Variants in SV2C observed in about 807,000 individuals in gnomAD.
SV2C encodes the protein solute carrier family 22 member B3.
In SV2C, 49 loss-of-function variants were observed where a neutral mutation model predicts 79.7. The observed-to-expected ratio is 0.61, with a 90% CI of 0.49 to 0.78. The LOEUF is 0.78. Among genes scored for constraint, SV2C ranks in the 30% least tolerant of loss-of-function variants. SV2C has a pLI of 0.00. For missense variants in SV2C, 833 were observed against 912.9 expected (o/e 0.91, Z 1.13); for synonymous variants, 334 against 333.2 (o/e 1.00, Z -0.03).
chr5:75,865,491 A>C, the SV2C span, among the ~76,000 whole-genome samples: 1 of 152,234 alleles, frequency 6.6e-6, no homozygotes, highest in Admixed American at 6.5e-5. Context: ...TTAGAGCCAC[A>C]TCCAGAAGTG....
chr5:75,931,854 CT>C, the SV2C span, among the ~76,000 whole-genome samples: 2 of 152,076 alleles, frequency 1.3e-5, no homozygotes, highest in African/African-American at 2.4e-5. Flanking sequence ...TTTCTTTGTG[CT>C]TCTTCTGTAT....
chr5:76,287,920 G>A (rs1280746556), intron 6 of SV2C, among the ~76,000 whole-genome samples: 2 of 151,760 alleles, frequency 1.3e-5, no homozygotes, highest in African/African-American at 4.8e-5. Context: ...CCCCATCTCT[G>A]CTAAAAACAC....
At chr5:76,212,081 A>G (rs554565224) in intron 4 of SV2C, among the ~76,000 whole-genome samples, 15 of 150,504 alleles carry the variant, frequency 1.0e-4, no homozygotes, top group African/African-American at 3.4e-4. Context: ...TTCTGCCACC[A>G]TCCAAGGAAT....
At chr5:76,178,245 G>T (rs1361260058) in intron 2 of SV2C, among the ~76,000 whole-genome samples, 1 of 152,180 alleles carries the variant, frequency 6.6e-6, no homozygotes, top group Non-Finnish European at 1.5e-5. Context: ...CATTCAAGCA[G>T]TTACCCAGAA....
intron 1 of SV2C, among the ~76,000 whole-genome samples, chr5:76,125,156 AT>A (rs1748662725): frequency 6.6e-6 from 1 of 152,228 alleles, no homozygotes; most frequent in Non-Finnish European, 1.5e-5. Flanking sequence ...TAAAATTAAA[AT>A]TTCCAGGCTC....
intron 12 of SV2C, among the ~76,000 whole-genome samples, chr5:76,346,564 G>A (rs1401160719): frequency 6.6e-6 from 1 of 152,238 alleles, no homozygotes; most frequent in Non-Finnish European, 1.5e-5. Flanking sequence ...CACCTGCTAC[G>A]TGGCAGTCGC....
At chr5:75,992,871 A>G in the SV2C span, among the ~76,000 whole-genome samples, 2 of 152,204 alleles carry the variant, frequency 1.3e-5, no homozygotes, top group Non-Finnish European at 2.9e-5. Flanking sequence ...AGAGGAACAA[A>G]TCAAACTTAC....
chr5:75,983,633 A>G, the SV2C span, among the ~76,000 whole-genome samples: 1 of 151,238 alleles, frequency 6.6e-6, no homozygotes, highest in Non-Finnish European at 1.5e-5. Context: ...GGCGAACTTT[A>G]TAGGTGATGA....
At chr5:76,173,848 A>C (rs781431262) in intron 2 of SV2C, 13 of 1,598,320 alleles carry the variant, frequency 8.1e-6, no homozygotes, top group Non-Finnish European at 1.1e-5. Context: ...TACCAACAAG[A>C]ATCATTGGAA....
At chr5:75,893,990 C>G in the SV2C span, among the ~76,000 whole-genome samples, 2 of 151,994 alleles carry the variant, frequency 1.3e-5, no homozygotes, top group Non-Finnish European at 2.9e-5. Flanking sequence ...AGGTGGGAAC[C>G]AGATCATGGA....
intron 8 of SV2C, 41 bp from the exon 9 acceptor site, chr5:76,295,737 T>C (rs377350083): frequency 1.3e-6 from 2 of 1,583,926 alleles, no homozygotes; most frequent in African/African-American, 2.7e-5. Flanking sequence ...GCCTCTGGCA[T>C]GCTAGTGCCT....
At chr5:76,264,659 T>C (rs2972824) in intron 4 of SV2C, among the ~76,000 whole-genome samples, 67,749 of 152,062 alleles carry the variant, frequency 0.45, 15,676 homozygotes, top group South Asian at 0.54. Flanking sequence ...TACTGCTGTC[T>C]GTTTGTTAGT....
intron 6 of SV2C, among the ~76,000 whole-genome samples, chr5:76,286,201 G>T (rs368772468): frequency 1.3e-5 from 2 of 152,154 alleles, no homozygotes; most frequent in Non-Finnish European, 2.9e-5. Flanking sequence ...TGGAAAGACT[G>T]CATTTTCATC....
At chr5:75,985,164 G>A in the SV2C span, among the ~76,000 whole-genome samples, 1 of 151,848 alleles carries the variant, frequency 6.6e-6, no homozygotes, top group Non-Finnish European at 1.5e-5. Flanking sequence ...ACATGGGAGA[G>A]AGAAAGAGAG....
chr5:76,079,520 T>A (rs1173749897), upstream of SV2C: 3 of 295,496 alleles, frequency 1.0e-5, no homozygotes, highest in East Asian at 3.0e-4. Context: ...AATCTCCACA[T>A]CTCTGGAACA....
chr5:75,983,384 A>G, the SV2C span, among the ~76,000 whole-genome samples: 1 of 152,108 alleles, frequency 6.6e-6, no homozygotes, highest in Admixed American at 6.6e-5. Context: ...TAGAAAAATG[A>G]CATCAAAAGC....
the SV2C span, among the ~76,000 whole-genome samples, chr5:75,914,117 T>TACCCC: frequency 1.3e-5 from 2 of 152,314 alleles, no homozygotes; most frequent in East Asian, 3.9e-4. Flanking sequence ...GCTAACCCCA[T>TACCCC]ATTGTCTTCT....
At chr5:76,197,753 A>G (rs1445505775) in intron 3 of SV2C, among the ~76,000 whole-genome samples, 1 of 23,564 alleles carries the variant, frequency 4.2e-5, no homozygotes, top group African/African-American at 2.8e-4. Flanking sequence ...AGGACTAATT[A>G]AGGCAACGGC....
intron 4 of SV2C, among the ~76,000 whole-genome samples, chr5:76,255,978 A>T (rs983630368): frequency 6.6e-6 from 1 of 152,326 alleles, no homozygotes; most frequent in African/African-American, 2.4e-5. Context: ...AAAAATCAAT[A>T]AAGGGGACAG....
Sources: allele counts gnomAD v4.1 joint callset (sites outside exome capture counted in the v4.1 genomes callset), GRCh38; gene constraint gnomAD v4.1.1; transcripts MANE v1.5; gene names NCBI Gene and HGNC (gene_info 2026-07-23, HGNC 2026-07-21).